The following SNTB1 variants were observed in gnomAD, a reference collection of about 807,000 sequenced individuals.
The protein encoded by SNTB1 is beta-1-syntrophin.
In SNTB1, 36 loss-of-function variants were observed where a neutral mutation model predicts 48.9. The observed-to-expected ratio is 0.74, with a 90% CI of 0.56 to 0.97. SNTB1 has a LOEUF of 0.97. Among genes scored for constraint, SNTB1 ranks in the 50% least tolerant of loss-of-function variants. The probability of loss-of-function intolerance (pLI) is 0.00; values close to 1 mark genes in which losing one functional copy is unlikely to be tolerated. For missense variants in SNTB1, 786 were observed against 703.4 expected (o/e 1.12, Z -1.33); for synonymous variants, 299 against 294.6 (o/e 1.01, Z -0.15).
At chr8:120,758,090 T>C (rs541330188) in intron 1 of SNTB1, among the ~76,000 whole-genome samples, 3 of 152,308 alleles carry the variant, frequency 2.0e-5, no homozygotes, top group South Asian at 2.1e-4. Flanking sequence ...ACTTACTATG[T>C]TCCAGGTGAT....
rs35604534 is a variant in SNTB1 at position 120,744,121 on chromosome 8, A to ATTTTTTT, written c.572-50220_572-50214dup. ...CTCAAGCCTGGGTGACCCTGTCTCAATTTTTTTTTTTTTTTGCAAGGGAAT... is the reference window on the plus strand; with the variant it reads ...CTCAAGCCTGGGTGACCCTGTCTCAATTTTTTTTTTTTTTTTTTTTTTGCAAGGGAAT... On this transcript the variant is annotated intron_variant, in intron 1 of 6. Transcript: ENST00000517992. 7.0e-4 allele frequency among the ~76,000 whole-genome samples: 95 copies of ATTTTTTT among 136,150 alleles called. 2 individuals are homozygous for ATTTTTTT. In the South Asian group the frequency reaches 0.015, roughly 22 times the overall value. The allele number at this position is 136,150 out of a possible 152,430, so 89.3% of individuals were successfully genotyped here. A position where few individuals can be genotyped will look rare whatever the true frequency, so the allele number is the denominator to read the frequency against.
chr8:120,562,649 G>A (rs1382661366), intron 4 of SNTB1, among the ~76,000 whole-genome samples: 1 of 152,180 alleles, frequency 6.6e-6, no homozygotes, highest in East Asian at 1.9e-4. Context: ...CCCAGGGTTA[G>A]CATGGAAACC....
At chr8:120,756,122 C>A (rs989987525) in intron 1 of SNTB1, among the ~76,000 whole-genome samples, 1 of 152,182 alleles carries the variant, frequency 6.6e-6, no homozygotes, top group African/African-American at 2.4e-5. Context: ...CCATAATGAG[C>A]ATATCCAACA....
At chr8:120,650,111 C>T (rs1028185548) in intron 2 of SNTB1, among the ~76,000 whole-genome samples, 1 of 152,224 alleles carries the variant, frequency 6.6e-6, no homozygotes, top group Non-Finnish European at 1.5e-5. Flanking sequence ...GATGGAAATG[C>T]AGAAATCACC....
At chr8:120,570,456 C>T (rs1815824262) in intron 4 of SNTB1, 1 of 152,202 alleles carries the variant, frequency 6.6e-6, no homozygotes, top group South Asian at 2.1e-4. Context: ...AAGTCTTCCT[C>T]CCCATCTCCC....
intron 2 of SNTB1, among the ~76,000 whole-genome samples, chr8:120,681,448 G>A (rs950091293): frequency 2.0e-5 from 3 of 152,202 alleles, no homozygotes; most frequent in Non-Finnish European, 2.9e-5. Flanking sequence ...ATTCCATCCA[G>A]ATGTGAGTCC....
intron 4 of SNTB1, among the ~76,000 whole-genome samples, chr8:120,572,781 G>C (rs562431769): frequency 4.6e-5 from 7 of 152,254 alleles, no homozygotes; most frequent in Non-Finnish European, 5.9e-5. Context: ...CGGGCGTGGT[G>C]GTGGGCGCCT....
intron 1 of SNTB1, among the ~76,000 whole-genome samples, chr8:120,747,224 G>C (rs1366340306): frequency 2.0e-5 from 3 of 152,194 alleles, no homozygotes. Flanking sequence ...CATGGATGGA[G>C]TTGAAGGCCA....
chr8:120,641,209 T>C (rs1437194896), intron 2 of SNTB1, among the ~76,000 whole-genome samples: 4 of 152,216 alleles, frequency 2.6e-5, no homozygotes, highest in Admixed American at 2.0e-4. Context: ...TAAAGTTGCA[T>C]AGCAGAACAC....
At chr8:120,601,143 A>G (rs781342333) in intron 3 of SNTB1, among the ~76,000 whole-genome samples, 2 of 152,064 alleles carry the variant, frequency 1.3e-5, no homozygotes, top group African/African-American at 2.4e-5. Context: ...GTCAGACACA[A>G]TGAACACTTT....
intron 3 of SNTB1, among the ~76,000 whole-genome samples, chr8:120,615,030 A>G (rs995690261): frequency 6.7e-6 from 1 of 149,884 alleles, no homozygotes; most frequent in African/African-American, 2.5e-5. Flanking sequence ...ACGCACCTGT[A>G]GTCCCAGCTA....
intron 4 of SNTB1, among the ~76,000 whole-genome samples, chr8:120,567,835 A>G (rs1815779256): frequency 6.6e-6 from 1 of 152,150 alleles, no homozygotes; most frequent in Non-Finnish European, 1.5e-5. Flanking sequence ...ATTACACCAT[A>G]CCTTTATGAT....
chr8:120,694,419 G>A (rs1818178569), intron 1 of SNTB1, among the ~76,000 whole-genome samples: 1 of 151,948 alleles, frequency 6.6e-6, no homozygotes, highest in African/African-American at 2.4e-5. Context: ...TGGCAAAAAT[G>A]TGTAATAGCA....
intron 5 of SNTB1, among the ~76,000 whole-genome samples, chr8:120,542,687 C>A (rs376177068): frequency 1.5e-4 from 22 of 147,710 alleles, no homozygotes; most frequent in East Asian, 1.2e-3. Context: ...ATAAAGCCAC[C>A]TTTGAATCAC....
chr8:120,578,931 C>A (rs1022822628), intron 3 of SNTB1, among the ~76,000 whole-genome samples: 2 of 152,178 alleles, frequency 1.3e-5, no homozygotes, highest in African/African-American at 4.8e-5. Flanking sequence ...AATCCCAGCA[C>A]TTTGGGAGGC....
intron 1 of SNTB1, among the ~76,000 whole-genome samples, chr8:120,770,223 T>C (rs1328367258): frequency 1.3e-5 from 2 of 152,188 alleles, no homozygotes; most frequent in Non-Finnish European, 2.9e-5. Flanking sequence ...CAGGTGGCTT[T>C]TCCTCCCAAC....
At chr8:120,727,161 T>C (rs1371154573) in intron 1 of SNTB1, among the ~76,000 whole-genome samples, 1 of 152,206 alleles carries the variant, frequency 6.6e-6, no homozygotes, top group Non-Finnish European at 1.5e-5. Flanking sequence ...ACAGGATCTC[T>C]GACATGTGGG....
At chr8:120,677,418 T>C (rs1424477194) in intron 2 of SNTB1, among the ~76,000 whole-genome samples, 1 of 152,228 alleles carries the variant, frequency 6.6e-6, no homozygotes, top group Non-Finnish European at 1.5e-5. Flanking sequence ...TTCTTCAAAC[T>C]GTCAGCTACT....
intron 4 of SNTB1, among the ~76,000 whole-genome samples, chr8:120,563,845 C>A (rs895421810): frequency 6.6e-6 from 1 of 152,066 alleles, no homozygotes; most frequent in Non-Finnish European, 1.5e-5. Context: ...CATGGTGGCT[C>A]ACGTCTGTAA....
Sources: gnomAD v4.1 joint callset for allele counts (sites outside exome capture counted in the v4.1 genomes callset) on GRCh38, gnomAD v4.1.1 for gene constraint, MANE v1.5 for transcripts, NCBI Gene and HGNC (gene_info 2026-07-23, HGNC 2026-07-21) for gene names.